PARN: variants seen among roughly 807,000 people sequenced by gnomAD.
The protein encoded by PARN is poly(A)-specific ribonuclease PARN.
Under a neutral mutation model 102.8 loss-of-function variants are expected in PARN, and 71 were observed. The ratio of observed to expected loss-of-function variants is 0.69; its 90% CI spans 0.57 to 0.84. The LOEUF is 0.84. Ranked by LOEUF, PARN falls within the 40% of genes least tolerant of loss-of-function variation. The pLI, the probability that PARN is intolerant of heterozygous loss-of-function variation, is 0.00. For missense variants in PARN, 782 were observed against 760.9 expected (o/e 1.03, Z -0.33); for synonymous variants, 261 against 252.9 (o/e 1.03, Z -0.30).
In PARN at chr16:14,614,846, CAAAAAAAAAAAAAAAAAAAA is replaced by C. The variant is rs57502376; in HGVS notation, c.388+2724_388+2743del. The stretch of plus-strand genomic sequence containing the variant: ...ATGGGAAAGAAGAGCGAAACTGTCT[CAAAAAAAAAAAAAAAAAAAA>C]AAAAAAAAAAAAGAAAAGAAAAGAA... On this transcript the variant is annotated intron_variant, in intron 6 of 23. Coordinates refer to ENST00000437198, the MANE Select transcript of PARN (RefSeq NM_002582.4). Among the ~76,000 whole-genome samples, 6 of 37,658 alleles carry C rather than the reference CAAAAAAAAAAAAAAAAAAAA, an allele frequency of 1.6e-4. No homozygotes were observed. The East Asian group carries it at 4.9e-3, about 30-fold the overall frequency. 24.7% of individuals were successfully genotyped at this position (37,658 alleles called of 152,430 possible).
chr16:14,438,427 C>T (rs1357189754), intron 23 of PARN, among the ~76,000 whole-genome samples: 2 of 144,246 alleles, frequency 1.4e-5, no homozygotes, highest in African/African-American at 2.7e-5. Flanking sequence ...TGCCAATCTG[C>T]ACCTGCCATT....
intron 23 of PARN, among the ~76,000 whole-genome samples, 157 bp from the exon 24 acceptor site, chr16:14,436,929 TC>T (rs1960732057): frequency 6.6e-6 from 1 of 152,084 alleles, no homozygotes; most frequent in Non-Finnish European, 1.5e-5. Flanking sequence ...CACAGACAGG[TC>T]TTGTCTAGGG....
chr16:14,481,105 A>G (rs1476096558), intron 22 of PARN, among the ~76,000 whole-genome samples: 1 of 152,198 alleles, frequency 6.6e-6, no homozygotes, highest in East Asian at 1.9e-4. Context: ...TTGTTCTTAT[A>G]AAGTTTAACA....
In PARN at chr16:14,499,727, C is replaced by T. The variant is rs373566541; in HGVS notation, c.1481-16900G>A. Among the ~76,000 whole-genome samples the T allele has an allele frequency of 1.5e-4, 23 of 152,206 alleles. 1 individual carries two copies. In the East Asian group the frequency reaches 3.9e-3, roughly 26 times the overall value. ...AAGAGAGAAATGTAAAAAACTAAAACAAGCCAGGTGCAGTGGCACGTGCCT... is the reference window on the plus strand; with the variant it reads ...AAGAGAGAAATGTAAAAAACTAAAATAAGCCAGGTGCAGTGGCACGTGCCT... On this transcript the variant is annotated intron_variant, in intron 21 of 23. Transcript: ENST00000437198.
At chr16:14,584,500 A>G (rs199652820) in intron 15 of PARN, 78 bp from the exon 16 acceptor site, 1 of 958,830 alleles carries the variant, frequency 1.0e-6, no homozygotes, top group South Asian at 1.6e-5. Context: ...TGACCCCCCC[A>G]AAAAAAAGAC....
At chr16:14,539,993 G>A (rs962771010) in intron 21 of PARN, among the ~76,000 whole-genome samples, 7 of 152,184 alleles carry the variant, frequency 4.6e-5, no homozygotes, top group Non-Finnish European at 8.8e-5. Context: ...TATACAGGAG[G>A]ATATGTACAG....
intron 17 of PARN, among the ~76,000 whole-genome samples, 163 bp downstream of exon 17, chr16:14,582,018 G>C (rs879404056): frequency 6.6e-6 from 1 of 152,196 alleles, no homozygotes; most frequent in Non-Finnish European, 1.5e-5. Context: ...AGGTCTGCTG[G>C]CAACTGGGTC....
At chr16:14,523,062 T>A (rs1567344896) in intron 21 of PARN, among the ~76,000 whole-genome samples, 1 of 152,052 alleles carries the variant, frequency 6.6e-6, no homozygotes, top group Non-Finnish European at 1.5e-5. Flanking sequence ...GAAAAAGATG[T>A]ATCAGGCAAA....
chr16:14,610,802 T>C lies in PARN; in HGVS notation c.396A>G (p.Pro132=), dbSNP rs1971479823. The change falls in exon 7 of 24, where the codon CCA becomes CCG. Residue 132 remains proline, a synonymous_variant. Coordinates refer to ENST00000437198, the MANE Select transcript of PARN (RefSeq NM_002582.4). ...DFNKVFRNGI[P]YLNQEEERQL... ...GTCTTTCTTCTTCCTGATTTAAATATGGAATTCCTAAACACGATTTTAAAA... is the reference window on the plus strand; with the variant it reads ...GTCTTTCTTCTTCCTGATTTAAATACGGAATTCCTAAACACGATTTTAAAA... 8 of 1,605,254 alleles carry C rather than the reference T, an allele frequency of 5.0e-6. No individual in the cohort carries two copies. Among genetic ancestry groups the C allele is most frequent in the Non-Finnish European group, 5.1e-6 (6 of 1,172,808 alleles).
intron 22 of PARN, among the ~76,000 whole-genome samples, chr16:14,453,995 A>G (rs1163159669): frequency 6.6e-6 from 1 of 152,218 alleles, no homozygotes; most frequent in African/African-American, 2.4e-5. Flanking sequence ...TTAACTTTAC[A>G]GGAAACTGCC....
At chr16:14,452,886 T>C (rs1961524232) in intron 22 of PARN, among the ~76,000 whole-genome samples, 1 of 152,254 alleles carries the variant, frequency 6.6e-6, no homozygotes. Context: ...GTTTTAATTA[T>C]ACATTAAAAA....
chr16:14,558,531 C>T (rs1380684873), intron 18 of PARN: 1 of 151,950 alleles, frequency 6.6e-6, no homozygotes, highest in Non-Finnish European at 1.5e-5. Context: ...TATCAAGCAC[C>T]ATAAAAATAA....
chr16:14,596,805 G>A (rs4290493), intron 12 of PARN, among the ~76,000 whole-genome samples: 389 of 138,374 alleles, frequency 2.8e-3, no homozygotes, highest in African/African-American at 9.1e-3. Context: ...TTTTTTTTTC[G>A]AGACAGGGTC....
Position 14,557,288 on chromosome 16 carries a change from G to A in PARN, c.1263-1579C>T, listed in dbSNP as rs191979736. Reference sequence around the variant, plus strand: ...TCAAAAGCCAAGCAGGGCCAGGCGCGGTGGCTCACACCTGTAATCCCAGCA... The same window carrying A: ...TCAAAAGCCAAGCAGGGCCAGGCGCAGTGGCTCACACCTGTAATCCCAGCA... On this transcript the variant is annotated intron_variant, in intron 18 of 23. Coordinates refer to ENST00000437198, the MANE Select transcript of PARN (RefSeq NM_002582.4). 3.4e-4 allele frequency among the ~76,000 whole-genome samples: 50 copies of A among 149,070 alleles called. No individual in the cohort carries two copies. The Middle Eastern group carries it at 0.016, about 47-fold the overall frequency.
chr16:14,491,788 A>G (rs1340558229), intron 21 of PARN, among the ~76,000 whole-genome samples: 1 of 152,210 alleles, frequency 6.6e-6, no homozygotes, highest in Non-Finnish European at 1.5e-5. Flanking sequence ...AAAGGAAAAT[A>G]AATAAGTAAA....
At chr16:14,478,582 G>C (rs1963203572) in intron 22 of PARN, among the ~76,000 whole-genome samples, 2 of 152,032 alleles carry the variant, frequency 1.3e-5, no homozygotes, top group Non-Finnish European at 2.9e-5. Flanking sequence ...CCACTGACTA[G>C]CTAAAGGTGC....
In PARN at chr16:14,616,217, A is replaced by G. The variant is rs189792419; in HGVS notation, c.388+1373T>C. Among the ~76,000 whole-genome samples the G allele has an allele frequency of 7.2e-5, 11 of 152,350 alleles. No homozygotes were observed. The East Asian group carries it at 2.1e-3, about 29-fold the overall frequency. ...GGAGAGGAAGGAAAACCAATCTGAA[A>G]TGTTCTAATGTCCAGTAGTCATGCA... is the stretch of plus-strand genomic sequence containing the variant. On this transcript the variant is annotated intron_variant, in intron 6 of 23. Coordinates refer to ENST00000437198, the MANE Select transcript of PARN (RefSeq NM_002582.4).
At chr16:14,534,059 T>C (rs947926520) in intron 21 of PARN, among the ~76,000 whole-genome samples, 2 of 151,866 alleles carry the variant, frequency 1.3e-5, no homozygotes, top group African/African-American at 2.4e-5. Context: ...CCATCTCTCC[T>C]AAAAATACAA....
intron 11 of PARN, among the ~76,000 whole-genome samples, chr16:14,600,382 A>AT (rs201067148): frequency 1.3e-5 from 2 of 151,928 alleles, no homozygotes; most frequent in African/African-American, 4.8e-5. Context: ...ATAATTCCTG[A>AT]TTTTTTTTCC....
Sources: allele counts gnomAD v4.1 joint callset (sites outside exome capture counted in the v4.1 genomes callset), GRCh38; gene constraint gnomAD v4.1.1; transcripts MANE v1.5; gene names NCBI Gene and HGNC (gene_info 2026-07-23, HGNC 2026-07-21).